TNKS: variants seen among roughly 807,000 people sequenced by gnomAD.
The protein encoded by TNKS is poly [ADP-ribose] polymerase tankyrase-1.
A neutral mutation model predicts 135.8 loss-of-function variants in TNKS; 72 were observed. The observed-to-expected ratio is 0.53, with a 90% confidence interval of 0.44 to 0.64. The LOEUF (loss-of-function observed/expected upper bound fraction) is 0.64, where lower values mean the gene tolerates loss of function less well. Among genes scored for constraint, TNKS ranks in the 30% least tolerant of loss-of-function variants. The pLI is 0.00. For missense variants in TNKS, 1,769 were observed against 1,674.0 expected (o/e 1.06, Z -0.99); for synonymous variants, 849 against 649.3 (o/e 1.31, Z -4.68).
chr8:9,621,290 C>T (rs1355687338), intron 3 of TNKS, among the ~76,000 whole-genome samples: 2 of 147,696 alleles, frequency 1.4e-5, no homozygotes, highest in African/African-American at 2.5e-5. Context: ...AGATGTCAAA[C>T]CGAGGCCTTA....
At chr8:9,582,649 A>G (rs1393678049) in intron 2 of TNKS, among the ~76,000 whole-genome samples, 1 of 152,186 alleles carries the variant, frequency 6.6e-6, no homozygotes, top group African/African-American at 2.4e-5. Context: ...CTTTCCTTAC[A>G]TGTAAAATGA....
intron 5 of TNKS, among the ~76,000 whole-genome samples, chr8:9,683,737 T>A (rs1802876140): frequency 6.6e-6 from 1 of 151,948 alleles, no homozygotes; most frequent in African/African-American, 2.4e-5. Flanking sequence ...TTTTAAGTAC[T>A]CTTAATTCTA....
At position 9,601,624 on chromosome 8, in the gene TNKS, C is replaced by A. The variant is rs145817103; in HGVS notation, c.899-13958C>A. 3.9e-5 allele frequency among the ~76,000 whole-genome samples: 6 copies of A among 152,124 alleles called. No homozygotes were observed. The East Asian group carries it at 1.2e-3, about 29-fold the overall frequency. On this transcript the variant is annotated intron_variant, in intron 2 of 26. Transcript: ENST00000310430. ...ATTTTGAGGCACATTTTTGCCTTTG[C>A]GTTCAATGGAATACCTCTATTCTTT...
At chr8:9,647,790 C>T (rs1044239773) in intron 3 of TNKS, among the ~76,000 whole-genome samples, 2 of 152,238 alleles carry the variant, frequency 1.3e-5, no homozygotes, top group Middle Eastern at 3.4e-3. Context: ...ACTTAATGAA[C>T]GACATAAGTT....
intron 3 of TNKS, among the ~76,000 whole-genome samples, chr8:9,630,056 T>C (rs956115010): frequency 2.6e-5 from 4 of 152,210 alleles, no homozygotes; most frequent in Admixed American, 2.6e-4. Flanking sequence ...ACCTCTCAAA[T>C]GGGCTAGTAT....
intron 1 of TNKS, among the ~76,000 whole-genome samples, chr8:9,565,806 G>A (rs901927030): frequency 2.6e-5 from 4 of 151,896 alleles, no homozygotes; most frequent in East Asian, 1.9e-4. Flanking sequence ...GCAGTGAGCC[G>A]AGATCACGCC....
intron 2 of TNKS, among the ~76,000 whole-genome samples, chr8:9,584,839 G>C (rs1798306539): frequency 1.3e-5 from 2 of 152,246 alleles, no homozygotes; most frequent in South Asian, 4.2e-4. Flanking sequence ...CTCTCATTAG[G>C]GAAGAGACAG....
chr8:9,732,663 T>C (rs1805502997), intron 14 of TNKS, among the ~76,000 whole-genome samples: 1 of 152,208 alleles, frequency 6.6e-6, no homozygotes, highest in Admixed American at 6.5e-5. Context: ...TGTACTCTTT[T>C]GTGGGAGCAT....
intron 17 of TNKS, among the ~76,000 whole-genome samples, chr8:9,736,380 T>C (rs76491219): frequency 0.071 from 10,371 of 145,288 alleles, 400 homozygotes; most frequent in South Asian, 0.17. Flanking sequence ...AAAAATTAAA[T>C]GGTTGAGCAG....
intron 26 of TNKS, among the ~76,000 whole-genome samples, chr8:9,770,487 G>A (rs1378982130): frequency 6.6e-6 from 1 of 152,228 alleles, no homozygotes; most frequent in Admixed American, 6.5e-5. Context: ...GTGAACAAGA[G>A]GGCAGCTGAG....
intron 6 of TNKS, among the ~76,000 whole-genome samples, chr8:9,705,940 C>T (rs1260861919): frequency 3.3e-5 from 5 of 151,998 alleles, no homozygotes; most frequent in Admixed American, 2.6e-4. Context: ...ATATGATCTT[C>T]CTTTCGCCAA....
chr8:9,724,159 T>C (rs1266350210), intron 12 of TNKS, among the ~76,000 whole-genome samples: 1 of 152,222 alleles, frequency 6.6e-6, no homozygotes, highest in Non-Finnish European at 1.5e-5. Context: ...TATAATTTCA[T>C]GTTCTACAGG....
chr8:9,720,542 A>G lies in TNKS; in HGVS notation c.1918A>G (p.Ser640Gly). Residue 640 changes from serine (S) to glycine (G), a missense_variant, in exon 12 of 27, where the codon AGT becomes GGT. Coordinates refer to ENST00000310430, the MANE Select transcript of TNKS (RefSeq NM_003747.3). ...CAATGAAGCAGTGCAGCAGATTCTG[A>G]GTGGTGAGTTAAAATAGACCAACAG... ...MGNEAVQQILSESTPIRTSDV... is the reference protein window; with the variant it reads ...MGNEAVQQILGESTPIRTSDV... 1.2e-6 allele frequency: 2 copies of G among 1,611,262 alleles called. No homozygotes were observed. The highest frequency in any genetic ancestry group is 4.5e-5 in the East Asian group (2 of 44,708).
chr8:9,658,103 C>T (rs1349045696), intron 3 of TNKS, among the ~76,000 whole-genome samples: 1 of 97,904 alleles, frequency 1.0e-5, no homozygotes, highest in Non-Finnish European at 2.1e-5. Flanking sequence ...AAGAGGCGCT[C>T]CTCACTTCCT....
At position 9,759,248 on chromosome 8, in the gene TNKS, C is replaced by T. The variant is rs561219785; in HGVS notation, c.3154-2268C>T. 5.2e-4 allele frequency among the ~76,000 whole-genome samples: 79 copies of T among 152,342 alleles called. 1 individual carries two copies. The highest frequency in any genetic ancestry group is 1.8e-3 in the African/African-American group (73 of 41,584). ...TGCCATAGCGTGGCAGCCAGTTCTTCTAGGGTGAGCAGTCCAAAGCGTGAG... is the reference window on the plus strand; with the variant it reads ...TGCCATAGCGTGGCAGCCAGTTCTTTTAGGGTGAGCAGTCCAAAGCGTGAG... On this transcript the variant is annotated intron_variant, in intron 20 of 26. Transcript: ENST00000310430.
intron 17 of TNKS, 110 bp downstream of exon 17, chr8:9,735,596 C>T (rs1278002582): frequency 1.1e-5 from 9 of 796,330 alleles, no homozygotes; most frequent in African/African-American, 1.7e-5. Context: ...GTCAGGAGGT[C>T]GAGACAATCC....
At chr8:9,619,331 G>A (rs1414765491) in intron 3 of TNKS, among the ~76,000 whole-genome samples, 1 of 152,192 alleles carries the variant, frequency 6.6e-6, no homozygotes, top group Non-Finnish European at 1.5e-5. Context: ...ATGTGAAGGA[G>A]ATTCTCTGGG....
In TNKS at chr8:9,720,431, C is replaced by G. The variant is rs764974293; in HGVS notation, c.1807C>G (p.His603Asp). 7 of 1,613,912 alleles carry G rather than the reference C, an allele frequency of 4.3e-6. No individual in the cohort carries two copies. The highest frequency in any genetic ancestry group is 5.9e-6 in the Non-Finnish European group (7 of 1,179,880). ...TALHRAALAGHLQTCRLLLSY... is the reference protein window; with the variant it reads ...TALHRAALAGDLQTCRLLLSY... Reference sequence around the variant, plus strand: ...TTTGCATAGAGCCGCCCTAGCAGGTCACCTGCAGACCTGCCGCCTCCTGCT... The same window carrying G: ...TTTGCATAGAGCCGCCCTAGCAGGTGACCTGCAGACCTGCCGCCTCCTGCT... The change falls in exon 12 of 27, where the codon CAC becomes GAC. Residue 603 changes from histidine to aspartate, a missense_variant. Physicochemically the swap from His to Asp is moderately conservative, Grantham distance 81. Around this residue, in one of 5 missense-constraint regions of TNKS, gnomAD observed 523 missense variants for 541.0 expected, o/e 0.97. Coordinates refer to ENST00000310430, the MANE Select transcript of TNKS (RefSeq NM_003747.3).
chr8:9,706,064 TTAAA>T (rs1585352965), intron 6 of TNKS, 119 bp from the exon 7 acceptor site: 1 of 525,284 alleles, frequency 1.9e-6, no homozygotes, highest in Middle Eastern at 5.6e-4. Flanking sequence ...TATTATTTTA[TTAAA>T]TACTTTTAAA....
Sources: allele counts gnomAD v4.1 joint callset (sites outside exome capture counted in the v4.1 genomes callset), GRCh38; gene constraint gnomAD v4.1.1; regional missense constraint gnomAD v4.1.1; transcripts MANE v1.5; gene names NCBI Gene and HGNC (gene_info 2026-07-23, HGNC 2026-07-21).